The following SUOX variants were observed in gnomAD, a reference collection of about 807,000 sequenced individuals.
The protein encoded by SUOX is sulfite oxidase, mitochondrial.
Under a neutral mutation model 41.9 loss-of-function variants are expected in SUOX, and 39 were observed. The ratio of observed to expected loss-of-function variants is 0.93; its 90% confidence interval spans 0.72 to 1.21. The LOEUF is 1.21. Among genes scored for constraint, SUOX ranks in the 50% most tolerant of loss-of-function variants. SUOX has a pLI of 0.00. For synonymous variants in SUOX, 220 were observed against 268.4 expected (o/e 0.82, Z 1.76); for missense variants, 633 against 689.5 (o/e 0.92, Z 0.92).
At position 56,004,707 on chromosome 12, in the gene SUOX, T is replaced by C. The variant is rs749507272; in HGVS notation, c.1318T>C (p.Ser440Pro). The C allele has an allele frequency of 2.5e-6, 4 of 1,613,938 alleles. No individual in the cohort carries two copies. In the Admixed American group the frequency reaches 6.7e-5, roughly 27 times the overall value. The stretch of plus-strand genomic sequence containing the variant: ...GCCCCGGGATGGAGAGACTGTAGAA[T>C]CAGGGGAGGTGACCATCAAGGGCTA... ...TEPRDGETVE[S>P]GEVTIKGYAW... Residue 440 changes from serine to proline, a missense_variant, in exon 5 of 5, where the codon TCA becomes CCA. Coordinates refer to ENST00000266971, the MANE Select transcript of SUOX (RefSeq NM_001032386.2). The surrounding 1 kb of genome is among the most constrained non-coding windows in gnomAD (Gnocchi z 4.5).
rs1592830551 is a variant in SUOX at position 56,004,360 on chromosome 12, A to C, written c.971A>C (p.Asp324Ala). The stretch of plus-strand genomic sequence containing the variant: ...GTCTGCTTTGAGGGACTGGACTCAG[A>C]CCCTACTGGGACTGCCTATGGAGCA... ...AHVCFEGLDS[D>A]PTGTAYGASI... is the part of the protein sequence containing the mutation. Residue 324 changes from aspartate to alanine, a missense_variant, in exon 5 of 5, where the codon GAC (aspartate) becomes GCC (alanine). Asp to Ala is a moderately radical substitution (Grantham distance 126). Coordinates refer to ENST00000266971, the MANE Select transcript of SUOX (RefSeq NM_001032386.2). This position sits in a 1 kb window ranked among gnomAD's most constrained non-coding sequence, Gnocchi z 4.5. 6 of 1,613,996 alleles carry C rather than the reference A, an allele frequency of 3.7e-6. No homozygotes were observed. Among genetic ancestry groups the C allele is most frequent in the Non-Finnish European group, 5.1e-6 (6 of 1,179,966 alleles).
chr12:56,004,445 G>C lies in SUOX; in HGVS notation c.1056G>C (p.Met352Ile), dbSNP rs372706981. 7.4e-6 allele frequency: 12 copies of C among 1,614,090 alleles called. No homozygotes were observed. The highest frequency in any genetic ancestry group is 1.3e-5 in the African/African-American group (1 of 74,952). The change falls in exon 5 of 5, where the codon ATG becomes ATC. Residue 352 changes from methionine (M) to isoleucine (I), a missense_variant. By Grantham distance (10) the Met-to-Ile change is conservative (BLOSUM62 1). Coordinates refer to ENST00000266971, the MANE Select transcript of SUOX (RefSeq NM_001032386.2). This position sits in a 1 kb window ranked among gnomAD's most constrained non-coding sequence, Gnocchi z 4.5. ...PEAEVLLAYEMNGQPLPRDHG... is the reference protein window; with the variant it reads ...PEAEVLLAYEINGQPLPRDHG... ...CTGAGGTCCTGCTGGCATATGAGAT[G>C]AATGGGCAGCCTCTGCCACGTGACC...
rs192352837 is a variant in SUOX at position 56,001,980 on chromosome 12, C to G, written c.-10-232C>G. On this transcript the variant is annotated intron_variant, in intron 2 of 4. Coordinates refer to ENST00000266971, the MANE Select transcript of SUOX (RefSeq NM_001032386.2). ...CTGATTCTAGAAGCACCCATCCCTC[C>G]TACCCCATTCCCCACCCGCATTACC... 243 of 1,412,290 alleles carry G rather than the reference C, an allele frequency of 1.7e-4. 1 individual carries two copies. In the Middle Eastern group the frequency reaches 5.1e-3, roughly 29 times the overall value. 87.5% of individuals were successfully genotyped at this position (1,412,290 alleles called of 1,614,324 possible). A position where few individuals can be genotyped will look rare whatever the true frequency, so the allele number is the denominator to read the frequency against.
chr12:56,003,854 C>T lies in SUOX; in HGVS notation c.465C>T (p.Tyr155=), dbSNP rs1286750060. 4 of 1,614,082 alleles carry T rather than the reference C, an allele frequency of 2.5e-6. No individual in the cohort carries two copies. The highest frequency in any genetic ancestry group is 3.4e-6 in the Non-Finnish European group (4 of 1,180,014). The change falls in exon 5 of 5, where the codon TAC becomes TAT. Residue 155 remains tyrosine (Y), a synonymous_variant. Transcript: ENST00000266971. ...ATGTGCGTGAGTTACTGGCTCAGTACAAGATTGGGGAGCTGAATCCTGAAG... is the reference window on the plus strand; with the variant it reads ...ATGTGCGTGAGTTACTGGCTCAGTATAAGATTGGGGAGCTGAATCCTGAAG... ...QSHVRELLAQ[Y]KIGELNPEDK... is the part of the protein sequence containing the mutation.
Position 55,998,653 on chromosome 12 carries a change from T to G in SUOX, c.-11+930T>G, listed in dbSNP as rs11171719. Reference sequence around the variant, plus strand: ...GAGTTCAAGACCAGCCCTGACAACATAGACTCCCATGTCTACAGAAAAATT... The same window carrying G: ...GAGTTCAAGACCAGCCCTGACAACAGAGACTCCCATGTCTACAGAAAAATT... On this transcript the variant is annotated intron_variant, in intron 2 of 4. Coordinates refer to ENST00000266971, the MANE Select transcript of SUOX (RefSeq NM_001032386.2). 8.5e-3 allele frequency among the ~76,000 whole-genome samples: 1,289 copies of G among 151,634 alleles called. 55 individuals carry two copies. The East Asian group carries it at 0.16, about 18-fold the overall frequency.
rs1307158899 is a variant in SUOX at position 56,003,601 on chromosome 12, T to C, written c.229-17T>C. ...AATAGTCTCTTCCCTTTTATCTTAC[T>C]CCTTCCCTGCCAATAGGCTGCTCAG... On this transcript the variant is annotated splice_polypyrimidine_tract_variant and intron_variant, in intron 4 of 4. Coordinates refer to ENST00000266971, the MANE Select transcript of SUOX (RefSeq NM_001032386.2). 1 of 1,612,166 alleles carries C rather than the reference T, an allele frequency of 6.2e-7. No homozygotes were observed. The highest frequency in any genetic ancestry group is 8.5e-7 in the Non-Finnish European group (1 of 1,178,240).
Position 56,002,542 on chromosome 12 carries a change from G to C in SUOX, c.51-1G>C. 2 of 1,614,130 alleles carry C rather than the reference G, an allele frequency of 1.2e-6. No homozygotes were observed. The highest frequency in any genetic ancestry group is 1.7e-6 in the Non-Finnish European group (2 of 1,180,040). ...GCTACTAAGACCGACCTCTCTTCCAGACTCAAGTCAATCCCCTCAAGGATC... is the reference window on the plus strand; with the variant it reads ...GCTACTAAGACCGACCTCTCTTCCACACTCAAGTCAATCCCCTCAAGGATC... On this transcript the variant is annotated splice_acceptor_variant, in intron 3 of 4. Transcript: ENST00000266971. LOFTEE classifies it high-confidence loss of function.
At position 56,001,083 on chromosome 12, in the gene SUOX, C is replaced by A. The variant is rs566795737; in HGVS notation, c.-10-1129C>A. ...TACAGGCGTAAGCCACTGCGCCGGG[C>A]TAATTTTTCTATTTTGTTATTGTTG... On this transcript the variant is annotated intron_variant, in intron 2 of 4. Transcript: ENST00000266971. Among the ~76,000 whole-genome samples, 142 of 143,568 alleles carry A rather than the reference C, an allele frequency of 9.9e-4. 1 individual carries two copies. The highest frequency in any genetic ancestry group is 3.4e-3 in the African/African-American group (132 of 39,012). 94.2% of individuals were successfully genotyped at this position (143,568 alleles called of 152,430 possible).
At position 56,004,545 on chromosome 12, in the gene SUOX, G is replaced by A. The variant is rs775888022; in HGVS notation, c.1156G>A (p.Val386Met). ...TGTCAAATGGCTGGGCAGAGTGAGTGTGCAGCCAGAGGAAAGTTACAGCCA... is the reference window on the plus strand; with the variant it reads ...TGTCAAATGGCTGGGCAGAGTGAGTATGCAGCCAGAGGAAAGTTACAGCCA... ...RHVKWLGRVS[V>M]QPEESYSHWQ... The change falls in exon 5 of 5, where the codon GTG becomes ATG. Residue 386 changes from valine to methionine, a missense_variant. By Grantham distance (21) the Val-to-Met change is conservative (BLOSUM62 1). Transcript: ENST00000266971. This position sits in a 1 kb window ranked among gnomAD's most constrained non-coding sequence, Gnocchi z 4.5. 1 of 1,614,062 alleles carries A rather than the reference G, an allele frequency of 6.2e-7. No individual in the cohort carries two copies.
rs908790049 is a variant in SUOX, at chr12:56,004,669, C to G, written c.1280C>G (p.Ser427Trp). The part of the protein sequence containing the change: ...APSIQELPVQ[S>W]AITEPRDGET... Reference sequence around the variant, plus strand: ...TCCATTCAGGAACTTCCTGTCCAGTCGGCCATCACAGAGCCCCGGGATGGA... The same window carrying G: ...TCCATTCAGGAACTTCCTGTCCAGTGGGCCATCACAGAGCCCCGGGATGGA... Residue 427 changes from serine to tryptophan, a missense_variant, in exon 5 of 5, where the codon TCG becomes TGG. Transcript: ENST00000266971. This position sits in a 1 kb window ranked among gnomAD's most constrained non-coding sequence, Gnocchi z 4.5. 1.9e-6 allele frequency: 3 copies of G among 1,613,754 alleles called. No individual in the cohort carries two copies. In the African/African-American group the frequency reaches 4.0e-5, roughly 22 times the overall value.
chr12:56,001,010 C>T (rs1380449100), intron 2 of SUOX, among the ~76,000 whole-genome samples: 1 of 151,854 alleles, frequency 6.6e-6, no homozygotes, highest in Non-Finnish European at 1.5e-5. Flanking sequence ...TGGTTTCGAT[C>T]TCCTGACATC....
Position 56,004,098 on chromosome 12 carries a change from G to A in SUOX, c.709G>A (p.Ala237Thr). The change falls in exon 5 of 5, where the codon GCA becomes ACA. Residue 237 changes from alanine to threonine, a missense_variant. Coordinates refer to ENST00000266971, the MANE Select transcript of SUOX (RefSeq NM_001032386.2). The surrounding 1 kb of genome is among the most constrained non-coding windows in gnomAD (Gnocchi z 4.5). Reference protein sequence around the residue: ...PDTYRLHVVGAPGGQSLSLSL... With the variant: ...PDTYRLHVVGTPGGQSLSLSL... ...CACCTATCGCTTACACGTAGTAGGA[G>A]CACCTGGGGGTCAGTCACTGTCTCT... 1.2e-6 allele frequency: 2 copies of A among 1,614,218 alleles called. No individual in the cohort carries two copies. Among genetic ancestry groups the A allele is most frequent in the Non-Finnish European group, 1.7e-6 (2 of 1,180,040 alleles).
intron 2 of SUOX, among the ~76,000 whole-genome samples, chr12:56,000,354 G>T (rs1592822326): frequency 6.6e-6 from 1 of 152,340 alleles, no homozygotes; most frequent in Admixed American, 6.5e-5. Flanking sequence ...ACTGCTGGGG[G>T]ACCCAGTACA....
At chr12:56,002,342 T>C in intron 3 of SUOX, 71 bp downstream of exon 3, 1 of 1,561,930 alleles carries the variant, frequency 6.4e-7, no homozygotes, top group Non-Finnish European at 8.7e-7. Flanking sequence ...TACAATGTCA[T>C]ACCTTGCAAA....
In SUOX at chr12:56,005,406, T is replaced by C. The variant is rs1203385241; in HGVS notation, c.*379T>C. 7.1e-6 allele frequency: 4 copies of C among 561,998 alleles called. No individual in the cohort carries two copies. The highest frequency in any genetic ancestry group is 1.3e-5 in the Non-Finnish European group (4 of 318,092). The allele number at this position is 561,998 out of a possible 1,614,324, so 34.8% of individuals were successfully genotyped here. The stretch of plus-strand genomic sequence containing the variant: ...ATGTGTGTGGCATGTGTAAGAAAAG[T>C]GTATATACTATCTTATACTACCTCT... On this transcript the variant is annotated 3_prime_UTR_variant, in exon 5 of 5. Transcript: ENST00000266971.
chr12:56,004,911 T>C lies in SUOX; in HGVS notation c.1522T>C (p.Cys508Arg), dbSNP rs1890689135. 1 of 1,614,152 alleles carries C rather than the reference T, an allele frequency of 6.2e-7. No individual in the cohort carries two copies. Among genetic ancestry groups the C allele is most frequent in the Non-Finnish European group, 8.5e-7 (1 of 1,180,012 alleles). Reference sequence around the variant, plus strand: ...TGGACAAAAGGAACTGAACATTGTTTGTAAGGCTGTGGATGATGGTTACAA... The same window carrying C: ...TGGACAAAAGGAACTGAACATTGTTCGTAAGGCTGTGGATGATGGTTACAA... Reference protein sequence around the residue: ...PAGQKELNIVCKAVDDGYNVQ... With the variant: ...PAGQKELNIVRKAVDDGYNVQ... Residue 508 changes from cysteine (C) to arginine (R), a missense_variant, in exon 5 of 5, where the codon TGT becomes CGT. Transcript: ENST00000266971. The surrounding 1 kb of genome is among the most constrained non-coding windows in gnomAD (Gnocchi z 4.5).
At position 56,004,029 on chromosome 12, in the gene SUOX, T is replaced by G. The variant is rs1248064271; in HGVS notation, c.640T>G (p.Phe214Val). Reference protein sequence around the residue: ...TENYITPNPIFFTRNHLPVPN... With the variant: ...TENYITPNPIVFTRNHLPVPN... ...AAACTACATCACACCCAACCCTATCTTCTTCACCCGGAACCATCTGCCTGT... is the reference window on the plus strand; with the variant it reads ...AAACTACATCACACCCAACCCTATCGTCTTCACCCGGAACCATCTGCCTGT... The change falls in exon 5 of 5, where the codon TTC (phenylalanine) becomes GTC (valine). Residue 214 changes from phenylalanine to valine, a missense_variant. Physicochemically the swap from Phe to Val is conservative, Grantham distance 50. Coordinates refer to ENST00000266971, the MANE Select transcript of SUOX (RefSeq NM_001032386.2). This position sits in a 1 kb window ranked among gnomAD's most constrained non-coding sequence, Gnocchi z 4.5. 6.2e-7 allele frequency: 1 copy of G among 1,614,062 alleles called. No individual in the cohort carries two copies. Among genetic ancestry groups the G allele is most frequent in the Admixed American group, 1.7e-5 (1 of 60,000 alleles).
At chr12:56,003,297 T>C (rs1279050487) in intron 4 of SUOX, among the ~76,000 whole-genome samples, 1 of 151,722 alleles carries the variant, frequency 6.6e-6, no homozygotes, top group African/African-American at 2.4e-5. Context: ...GTTTCACTCT[T>C]GTTGCCCAGG....
chr12:55,997,593 G>A (rs979953624), intron 1 of SUOX, 22 bp from the exon 2 acceptor site: 1 of 152,216 alleles, frequency 6.6e-6, no homozygotes, highest in Non-Finnish European at 1.5e-5. Context: ...CTGCACCAAC[G>A]GGTGGCATTT....
Sources: gnomAD v4.1 joint callset for allele counts (sites outside exome capture counted in the v4.1 genomes callset) on GRCh38, gnomAD v4.1.1 for gene constraint, Gnocchi (gnomAD v3.1) non-coding constraint, MANE v1.5 for transcripts, NCBI Gene and HGNC (gene_info 2026-07-23, HGNC 2026-07-21) for gene names.